GLRA3: variants seen among roughly 807,000 people sequenced by gnomAD.
GLRA3 encodes the protein glycine receptor alpha 3, also known as glycine receptor subunit alpha-3.
A neutral mutation model predicts 60.4 loss-of-function variants in GLRA3; 44 were observed. The ratio of observed to expected loss-of-function variants is 0.73; its 90% CI spans 0.57 to 0.94. GLRA3 has a LOEUF of 0.94. Ranked by LOEUF, GLRA3 falls within the 40% of genes least tolerant of loss-of-function variation. The probability of loss-of-function intolerance (pLI) is 0.00; values close to 1 mark genes in which losing one functional copy is unlikely to be tolerated. For missense variants in GLRA3, 508 were observed against 564.6 expected (o/e 0.90, Z 1.02); for synonymous variants, 223 against 192.9 (o/e 1.16, Z -1.29).
intron 1 of GLRA3, among the ~76,000 whole-genome samples, chr4:174,790,682 T>A (rs569162623): frequency 6.6e-6 from 1 of 152,062 alleles, no homozygotes; most frequent in Admixed American, 6.5e-5. Flanking sequence ...CCTTCTCTTT[T>A]AAAAATACTA....
chr4:174,654,588 C>A (rs1388705729), intron 9 of GLRA3, among the ~76,000 whole-genome samples: 2 of 152,092 alleles, frequency 1.3e-5, no homozygotes, highest in Non-Finnish European at 2.9e-5. Flanking sequence ...TTTCTTGCAG[C>A]AAACCATTGC....
intron 5 of GLRA3, among the ~76,000 whole-genome samples, chr4:174,706,159 G>A (rs984575619): frequency 2.0e-5 from 3 of 152,170 alleles, no homozygotes; most frequent in Non-Finnish European, 4.4e-5. Flanking sequence ...GAACCCGGGA[G>A]GCAGAGCTTG....
At chr4:174,658,290 C>T (rs1465703416) in intron 8 of GLRA3, among the ~76,000 whole-genome samples, 2 of 152,050 alleles carry the variant, frequency 1.3e-5, no homozygotes, top group East Asian at 3.9e-4. Flanking sequence ...GAAGTAAATG[C>T]GTGGATCTGC....
rs150052740 is a variant in GLRA3, at chr4:174,732,194, A to G, written c.268-3496T>C. 6.1e-3 allele frequency among the ~76,000 whole-genome samples: 926 copies of G among 152,186 alleles called. 10 individuals carry two copies. Among genetic ancestry groups the G allele is most frequent in the African/African-American group, 0.021 (869 of 41,522 alleles). ...ACATGGTGAAACCCCATCTCTACTAAAAACACAAAAATTAGCTGGGTGTGG... is the reference window on the plus strand; with the variant it reads ...ACATGGTGAAACCCCATCTCTACTAGAAACACAAAAATTAGCTGGGTGTGG... On this transcript the variant is annotated intron_variant, in intron 3 of 9. Transcript: ENST00000274093.
intron 1 of GLRA3, among the ~76,000 whole-genome samples, chr4:174,815,951 T>G (rs571079280): frequency 1.3e-5 from 2 of 152,170 alleles, no homozygotes; most frequent in African/African-American, 2.4e-5. Flanking sequence ...TTCTTTTCCG[T>G]GGCATCATCA....
At chr4:174,818,526 CA>C (rs1740601367) in intron 1 of GLRA3, among the ~76,000 whole-genome samples, 1 of 152,114 alleles carries the variant, frequency 6.6e-6, no homozygotes, top group African/African-American at 2.4e-5. Context: ...GAGGCACCAG[CA>C]AAGGTCTGCA....
intron 5 of GLRA3, among the ~76,000 whole-genome samples, chr4:174,683,340 CTCGT>C (rs1243987069): frequency 6.6e-6 from 1 of 151,946 alleles, no homozygotes; most frequent in Non-Finnish European, 1.5e-5. Context: ...GAAATTGTCA[CTCGT>C]TAGAAAATGA....
intron 1 of GLRA3, among the ~76,000 whole-genome samples, chr4:174,827,465 T>A (rs2111414794): frequency 6.6e-6 from 1 of 151,850 alleles, no homozygotes; most frequent in Non-Finnish European, 1.5e-5. Flanking sequence ...ATTTATATTT[T>A]AACATTAAGT....
chr4:174,672,269 C>G (rs1031828580), intron 7 of GLRA3, among the ~76,000 whole-genome samples: 1 of 152,158 alleles, frequency 6.6e-6, no homozygotes, highest in African/African-American at 2.4e-5. Flanking sequence ...CCTTCCACCC[C>G]TCTTGTTTTT....
chr4:174,722,791 T>C lies in GLRA3; in HGVS notation c.491+5684A>G, dbSNP rs1470971600. On this transcript the variant is annotated intron_variant, in intron 4 of 9. Coordinates refer to ENST00000274093, the MANE Select transcript of GLRA3 (RefSeq NM_006529.4). Reference sequence around the variant, plus strand: ...ACATAACAGATGCTCCATTTGTAAATTCAACAAGATTTTTTCTTTTTCTAG... The same window carrying C: ...ACATAACAGATGCTCCATTTGTAAACTCAACAAGATTTTTTCTTTTTCTAG... 5 of 167,090 alleles carry C rather than the reference T, an allele frequency of 3.0e-5. No individual in the cohort carries two copies. The South Asian group carries it at 6.2e-4, about 21-fold the overall frequency. 10.4% of individuals were successfully genotyped at this position (167,090 alleles called of 1,614,324 possible).
intron 3 of GLRA3, among the ~76,000 whole-genome samples, chr4:174,757,130 A>G (rs1360044536): frequency 6.6e-6 from 1 of 152,254 alleles, no homozygotes; most frequent in Non-Finnish European, 1.5e-5. Context: ...TAACATATTC[A>G]TAGAAAATAC....
chr4:174,731,511 G>A (rs1351737450), intron 3 of GLRA3, among the ~76,000 whole-genome samples: 2 of 152,162 alleles, frequency 1.3e-5, no homozygotes, highest in African/African-American at 4.8e-5. Flanking sequence ...CGCTACTCAA[G>A]AAGGCAACTT....
At chr4:174,700,993 C>G (rs1735294663) in intron 5 of GLRA3, among the ~76,000 whole-genome samples, 1 of 152,132 alleles carries the variant, frequency 6.6e-6, no homozygotes, top group Non-Finnish European at 1.5e-5. Flanking sequence ...GAAGCTGCAG[C>G]AAGATATCCA....
At chr4:174,790,825 C>CAAAAAAA (rs751090125) in intron 1 of GLRA3, among the ~76,000 whole-genome samples, 13 of 65,088 alleles carry the variant, frequency 2.0e-4, no homozygotes, top group South Asian at 7.0e-4. Context: ...CTAAAAAATA[C>CAAAAAAA]AAAAAAAAAA....
chr4:174,792,322 A>T (rs569326895), intron 1 of GLRA3, among the ~76,000 whole-genome samples: 1 of 151,920 alleles, frequency 6.6e-6, no homozygotes, highest in Non-Finnish European at 1.5e-5. Flanking sequence ...TGGCTTGTAG[A>T]TGTCCATTTT....
chr4:174,802,103 C>T (rs1284654119), intron 1 of GLRA3, among the ~76,000 whole-genome samples: 1 of 151,752 alleles, frequency 6.6e-6, no homozygotes, highest in East Asian at 1.9e-4. Flanking sequence ...TCCTCCAAAC[C>T]AACCAGTAGT....
chr4:174,773,223 G>A (rs1579582815), intron 2 of GLRA3, among the ~76,000 whole-genome samples: 1 of 151,970 alleles, frequency 6.6e-6, no homozygotes, highest in East Asian at 1.9e-4. Flanking sequence ...GGCAAATTGT[G>A]CTTTTAAATT....
chr4:174,765,218 G>A (rs147754689), intron 3 of GLRA3, among the ~76,000 whole-genome samples: 27 of 152,146 alleles, frequency 1.8e-4, no homozygotes, highest in African/African-American at 6.3e-4. Flanking sequence ...TTTAACTGGT[G>A]TAGCCATCTT....
chr4:174,770,807 G>A (rs942388413), intron 2 of GLRA3, among the ~76,000 whole-genome samples: 1 of 151,884 alleles, frequency 6.6e-6, no homozygotes, highest in Admixed American at 6.6e-5. Context: ...TGAGAGCAGT[G>A]TGTTATGTGC....
Sources: gnomAD v4.1 joint callset for allele counts (sites outside exome capture counted in the v4.1 genomes callset) on GRCh38, gnomAD v4.1.1 for gene constraint, MANE v1.5 for transcripts, NCBI Gene and HGNC (gene_info 2026-07-23, HGNC 2026-07-21) for gene names.